The following DLGAP3 variants were observed in gnomAD, a reference collection of about 807,000 sequenced individuals.
The protein encoded by DLGAP3 is DLG associated protein 3.
DLGAP3 carries 17 observed loss-of-function variants against 81.2 expected under a neutral mutation model. The ratio of observed to expected loss-of-function variants is 0.21; its 90% CI spans 0.14 to 0.31. The LOEUF is 0.31. DLGAP3 is among the 10% of genes least tolerant of loss of function. The probability of loss-of-function intolerance (pLI) is 1.00; values close to 1 mark genes in which losing one functional copy is unlikely to be tolerated. For missense variants in DLGAP3, 1,124 were observed against 1,388.0 expected (o/e 0.81, Z 3.02); for synonymous variants, 577 against 587.4 (o/e 0.98, Z 0.26).
intron 1 of DLGAP3, among the ~76,000 whole-genome samples, chr1:34,925,939 T>C (rs1200967993): frequency 2.0e-5 from 3 of 152,214 alleles, no homozygotes; most frequent in Non-Finnish European, 4.4e-5. Flanking sequence ...CCCAGATTTC[T>C]TGGGTGCCTT....
In DLGAP3 at chr1:34,886,288, G is replaced by A; in HGVS notation, c.1387-3C>T. Reference sequence around the variant, plus strand: ...TGCTGGTTCAACTCATCGCTGAGCTGGGGGGCAGGGGGTCGGGAGGACAGT... The same window carrying A: ...TGCTGGTTCAACTCATCGCTGAGCTAGGGGGCAGGGGGTCGGGAGGACAGT... On this transcript the variant is annotated splice_region_variant and splice_polypyrimidine_tract_variant and intron_variant, in intron 5 of 11. Transcript: ENST00000373347. The A allele has an allele frequency of 6.3e-7, 1 of 1,576,728 alleles. No homozygotes were observed. The highest frequency in any genetic ancestry group is 8.6e-7 in the Non-Finnish European group (1 of 1,160,640).
intron 5 of DLGAP3, among the ~76,000 whole-genome samples, chr1:34,890,413 CT>C (rs1391400198): frequency 6.6e-6 from 1 of 152,240 alleles, no homozygotes; most frequent in Non-Finnish European, 1.5e-5. Context: ...AACTCACACC[CT>C]TGTGTAATCC....
chr1:34,884,264 A>G (rs1639187444), intron 8 of DLGAP3, among the ~76,000 whole-genome samples: 1 of 151,980 alleles, frequency 6.6e-6, no homozygotes, highest in Non-Finnish European at 1.5e-5. Context: ...TGGGAAGCTC[A>G]GATACCATGA....
rs1265967757 is a variant in DLGAP3 at position 34,916,167 on chromosome 1, GA to G, written c.-134-8731del. On this transcript the variant is annotated intron_variant, in intron 1 of 11. Transcript: ENST00000373347. The stretch of plus-strand genomic sequence containing the variant: ...TAGAGAAACAGGGAGAAACAGGGGA[GA>G]AAAGGAAGGCGATGACTCCCTGCAG... Among the ~76,000 whole-genome samples the G allele has an allele frequency of 2.0e-5, 3 of 152,316 alleles. No individual in the cohort carries two copies. The East Asian group carries it at 5.8e-4, about 29-fold the overall frequency.
At position 34,866,136 on chromosome 1, in the gene DLGAP3, C is replaced by T; in HGVS notation, c.2887G>A (p.Glu963Lys). 1.3e-6 allele frequency: 2 copies of T among 1,596,690 alleles called. No homozygotes were observed. The highest frequency in any genetic ancestry group is 8.5e-7 in the Non-Finnish European group (1 of 1,178,170). Residue 963 changes from glutamate (E) to lysine (K), a missense_variant, in exon 12 of 12, where the codon GAG becomes AAG. Around this residue, in one of 9 missense-constraint regions of DLGAP3, gnomAD observed 133 missense variants for 171.1 expected, o/e 0.78. Coordinates refer to ENST00000373347, the MANE Select transcript of DLGAP3 (RefSeq NM_001080418.3). ...AASFRHSSAT[E>K]SADSIEIYIP... ...TAGATCTCGATGCTGTCGGCGCTCT[C>T]GGTGGCCGAGCTGTGGCGGAAGGAA...
rs776312924 is a variant in DLGAP3, at chr1:34,904,596, G to T, written c.788C>A (p.Ser263Tyr). ...HQAKSTGWWS[S>Y]DDNLDSDSGF... Reference sequence around the variant, plus strand: ...GCTATCACTGTCCAAGTTGTCATCGGAACTCCACCAGCCTGTGGACTTGGC... The same window carrying T: ...GCTATCACTGTCCAAGTTGTCATCGTAACTCCACCAGCCTGTGGACTTGGC... Residue 263 changes from serine to tyrosine, a missense_variant, in exon 3 of 12, where the codon TCC becomes TAC. Ser to Tyr is a moderately radical substitution (Grantham distance 144, BLOSUM62 -2). This residue lies in a region of DLGAP3 where 357 missense variants were observed against 408.8 expected (regional missense o/e 0.87). Transcript: ENST00000373347. This position sits in a 1 kb window ranked among gnomAD's most constrained non-coding sequence, Gnocchi z 8.1. The T allele has an allele frequency of 6.2e-7, 1 of 1,614,204 alleles. No homozygotes were observed. The highest frequency in any genetic ancestry group is 1.7e-5 in the Admixed American group (1 of 60,028).
Position 34,868,756 on chromosome 1 carries a change from A to C in DLGAP3, c.2334T>G (p.Gly778=). ...AGRRDSWIER[G]SRSLPDSGRA... is the part of the protein sequence containing the mutation. ...GGCCTGAGTCGGGGAGGCTACGTGAACCGCGCTCTATCCAGGAGTCACGGC... is the reference window on the plus strand; with the variant it reads ...GGCCTGAGTCGGGGAGGCTACGTGACCCGCGCTCTATCCAGGAGTCACGGC... The change falls in exon 9 of 12, where the codon GGT becomes GGG. Residue 778 remains glycine, a synonymous_variant. Coordinates refer to ENST00000373347, the MANE Select transcript of DLGAP3 (RefSeq NM_001080418.3). This position sits in a 1 kb window ranked among gnomAD's most constrained non-coding sequence, Gnocchi z 7.5. The C allele has an allele frequency of 1.2e-6, 2 of 1,605,830 alleles. No individual in the cohort carries two copies. The highest frequency in any genetic ancestry group is 1.7e-6 in the Non-Finnish European group (2 of 1,179,488).
In DLGAP3 at chr1:34,899,813, T is replaced by C. The variant is rs532790216; in HGVS notation, c.1314-72A>G. The C allele has an allele frequency of 2.6e-5, 37 of 1,444,282 alleles. No homozygotes were observed. The African/African-American group carries it at 4.9e-4, about 19-fold the overall frequency. 89.5% of individuals were successfully genotyped at this position (1,444,282 alleles called of 1,614,324 possible). The stretch of plus-strand genomic sequence containing the variant: ...GGTGGGGGAGGGGAGATAATAGCAC[T>C]GGGGCCCCTGAGTAAGTCCTATTCC... On this transcript the variant is annotated intron_variant, in intron 4 of 11. Transcript: ENST00000373347.
chr1:34,894,490 A>T (rs1220520408), intron 5 of DLGAP3, among the ~76,000 whole-genome samples: 1 of 152,220 alleles, frequency 6.6e-6, no homozygotes, highest in Non-Finnish European at 1.5e-5. Context: ...CAAGATCTCA[A>T]CAGCAACCTG....
intron 5 of DLGAP3, 121 bp downstream of exon 5, chr1:34,899,548 T>C (rs1258286102): frequency 6.6e-6 from 6 of 912,950 alleles, no homozygotes; most frequent in Non-Finnish European, 1.1e-5. Context: ...TTTCCCAGTT[T>C]CCCCAGAGCC....
intron 5 of DLGAP3, among the ~76,000 whole-genome samples, chr1:34,896,407 T>A (rs1639380868): frequency 6.6e-6 from 1 of 152,046 alleles, no homozygotes; most frequent in African/African-American, 2.4e-5. Context: ...GCCAACATAG[T>A]GAAACCCCGT....
At chr1:34,876,756 T>C (rs1639065570) in intron 8 of DLGAP3, among the ~76,000 whole-genome samples, 1 of 152,142 alleles carries the variant, frequency 6.6e-6, no homozygotes, top group Non-Finnish European at 1.5e-5. Context: ...TTCAACACCA[T>C]GTCCTCTCCT....
At chr1:34,926,258 T>C (rs1639869927) in intron 1 of DLGAP3, among the ~76,000 whole-genome samples, 1 of 152,222 alleles carries the variant, frequency 6.6e-6, no homozygotes, top group Non-Finnish European at 1.5e-5. Context: ...CCTTACTTTT[T>C]CTGTCTGTGA....
At chr1:34,922,278 G>T (rs1025926987) in intron 1 of DLGAP3, among the ~76,000 whole-genome samples, 3 of 152,196 alleles carry the variant, frequency 2.0e-5, no homozygotes, top group African/African-American at 7.2e-5. Context: ...AGACCTCAGG[G>T]AGCCTACTTT....
At chr1:34,899,954 C>G (rs1639429967) in intron 4 of DLGAP3, 114 bp downstream of exon 4, 1 of 988,468 alleles carries the variant, frequency 1.0e-6, no homozygotes, top group African/African-American at 1.6e-5. Flanking sequence ...AGTGAGACAC[C>G]CCAGTTGAAA....
chr1:34,927,142 G>A (rs1373687382), intron 1 of DLGAP3, among the ~76,000 whole-genome samples: 3 of 152,142 alleles, frequency 2.0e-5, no homozygotes, highest in Non-Finnish European at 4.4e-5. Context: ...CCTATCCCCA[G>A]CGACATCTGT....
chr1:34,870,142 C>A (rs1638957459), intron 8 of DLGAP3, among the ~76,000 whole-genome samples: 1 of 152,176 alleles, frequency 6.6e-6, no homozygotes, highest in Non-Finnish European at 1.5e-5. Flanking sequence ...AATTTCTTGT[C>A]TTTGAGTTAA....
Position 34,869,023 on chromosome 1 carries a change from G to A in DLGAP3, c.2067C>T (p.Gly689=). The change falls in exon 9 of 12, where the codon GGC becomes GGT. Residue 689 remains glycine (G), a synonymous_variant. Transcript: ENST00000373347. ...AGVQADLELE[G]LAGLATVATE... ...TGGCCACCGTGGCCAGGCCTGCCAG[G>A]CCCTCCAGCTCCAGGTCTGCCTGCA... The A allele has an allele frequency of 6.2e-7, 1 of 1,602,870 alleles. No homozygotes were observed. The highest frequency in any genetic ancestry group is 1.1e-5 in the South Asian group (1 of 90,752).
At chr1:34,918,790 C>T (rs1445369149) in intron 1 of DLGAP3, among the ~76,000 whole-genome samples, 1 of 152,126 alleles carries the variant, frequency 6.6e-6, no homozygotes, top group Non-Finnish European at 1.5e-5. Context: ...AAGCCAAGGT[C>T]ATCATTACTC....
Sources: allele counts gnomAD v4.1 joint callset (sites outside exome capture counted in the v4.1 genomes callset), GRCh38; gene constraint gnomAD v4.1.1; regional missense constraint gnomAD v4.1.1; non-coding constraint Gnocchi (gnomAD v3.1); transcripts MANE v1.5; gene names NCBI Gene and HGNC (gene_info 2026-07-23, HGNC 2026-07-21).